SEMA3D: variants seen among roughly 807,000 people sequenced by gnomAD.
SEMA3D encodes the protein semaphorin-3D.
In SEMA3D, 84 loss-of-function variants were observed where a neutral mutation model predicts 100.1. That is an observed-to-expected ratio of 0.84 (90% CI 0.70 to 1.01). The LOEUF (loss-of-function observed/expected upper bound fraction) is 1.01. Ranked by LOEUF, SEMA3D falls within the 50% of genes least tolerant of loss-of-function variation. The probability of loss-of-function intolerance (pLI) is 0.00; values close to 1 mark genes in which losing one functional copy is unlikely to be tolerated. For missense variants in SEMA3D, 875 were observed against 934.1 expected, an observed-to-expected ratio of 0.94 and a Z score of 0.82; for synonymous variants, 312 against 320.7, an observed-to-expected ratio of 0.97 and a Z score of 0.29.
At chr7:85,136,577 A>C (rs1789873595) in intron 2 of SEMA3D, among the ~76,000 whole-genome samples, 1 of 152,172 alleles carries the variant, frequency 6.6e-6, no homozygotes, top group Non-Finnish European at 1.5e-5. Flanking sequence ...AGTTTAAAAC[A>C]ATTGAATTAT....
the SEMA3D span, among the ~76,000 whole-genome samples, chr7:85,201,361 T>G: frequency 6.6e-6 from 1 of 152,162 alleles, no homozygotes; most frequent in African/African-American, 2.4e-5. Context: ...CTCTTCTCAG[T>G]AACTTCCACT....
intron 1 of SEMA3D, among the ~76,000 whole-genome samples, chr7:85,183,049 T>C (rs1362489935): frequency 6.6e-6 from 1 of 152,134 alleles, no homozygotes; most frequent in African/African-American, 2.4e-5. Context: ...AATGAAGTTA[T>C]AACAAACAAC....
At chr7:85,000,439 G>A (rs1038292848) in intron 18 of SEMA3D, among the ~76,000 whole-genome samples, 4 of 152,106 alleles carry the variant, frequency 2.6e-5, no homozygotes, top group South Asian at 2.1e-4. Context: ...AAATGATGAC[G>A]TCTTTAAAGT....
At position 85,037,049 on chromosome 7, in the gene SEMA3D, A is replaced by T. The variant is rs370597054; in HGVS notation, c.1047-16T>A. On this transcript the variant is annotated splice_polypyrimidine_tract_variant and intron_variant, in intron 11 of 18. Transcript: ENST00000284136. ...GAAGATGGAGCTGGAAAAAAAAAGC[A>T]TCATCATTCAATCATTCACTGATGA... The T allele has an allele frequency of 6.2e-7, 1 of 1,608,330 alleles. No individual in the cohort carries two copies. The highest frequency in any genetic ancestry group is 8.5e-7 in the Non-Finnish European group (1 of 1,177,778).
upstream of SEMA3D, among the ~76,000 whole-genome samples, chr7:85,190,548 T>C (rs182310267): frequency 9.7e-4 from 147 of 152,218 alleles, no homozygotes; most frequent in African/African-American, 3.3e-3. Context: ...TCCAGGTATT[T>C]TTTTCCATCT....
At chr7:85,071,709 C>A (rs1791779914) in intron 6 of SEMA3D, among the ~76,000 whole-genome samples, 2 of 152,182 alleles carry the variant, frequency 1.3e-5, no homozygotes, top group South Asian at 4.1e-4. Flanking sequence ...CCGTTGAATA[C>A]TACAGGCAAC....
chr7:85,148,434 T>C (rs1028069953), intron 2 of SEMA3D, among the ~76,000 whole-genome samples: 1 of 152,182 alleles, frequency 6.6e-6, no homozygotes, highest in African/African-American at 2.4e-5. Flanking sequence ...ATATTTGAGT[T>C]CTTCTAATAA....
At chr7:85,023,677 G>T (rs913430943) in intron 12 of SEMA3D, among the ~76,000 whole-genome samples, 1 of 151,640 alleles carries the variant, frequency 6.6e-6, no homozygotes, top group Non-Finnish European at 1.5e-5. Flanking sequence ...TCATGACAAG[G>T]CTCCAAAAAC....
chr7:85,005,077 T>A (rs970270373), intron 18 of SEMA3D, among the ~76,000 whole-genome samples: 7 of 151,900 alleles, frequency 4.6e-5, no homozygotes, highest in African/African-American at 1.2e-4. Flanking sequence ...CACATATTTT[T>A]AAAAATCAGA....
Position 84,998,878 on chromosome 7 carries a change from CAGAA to C in SEMA3D, c.*558_*561del, listed in dbSNP as rs1789573781. 6.5e-6 allele frequency: 1 copy of C among 153,210 alleles called. No individual in the cohort carries two copies. Among genetic ancestry groups the C allele is most frequent in the East Asian group, 1.9e-4 (1 of 5,176 alleles). The allele number at this position is 153,210 out of a possible 1,614,324, so 9.5% of individuals were successfully genotyped here. ...GTACACTAAATTTAACCCCAGTGGC[CAGAA>C]AGAAATAATGCACCTCTCCAAATTC... is the stretch of plus-strand genomic sequence containing the variant. On this transcript the variant is annotated 3_prime_UTR_variant, in exon 19 of 19. Transcript: ENST00000284136.
intron 2 of SEMA3D, among the ~76,000 whole-genome samples, chr7:85,126,660 G>T (rs1000597961): frequency 6.6e-6 from 1 of 151,956 alleles, no homozygotes; most frequent in East Asian, 1.9e-4. Context: ...TGATTAGATG[G>T]TTTTCCTGTA....
At chr7:85,215,941 G>C in the SEMA3D span, among the ~76,000 whole-genome samples, 1 of 151,816 alleles carries the variant, frequency 6.6e-6, no homozygotes, top group Admixed American at 6.6e-5. Context: ...AAAACAATTG[G>C]CCTATTTTGC....
intron 3 of SEMA3D, among the ~76,000 whole-genome samples, chr7:85,120,612 G>C (rs1789380790): frequency 6.8e-6 from 1 of 147,746 alleles, no homozygotes; most frequent in Non-Finnish European, 1.5e-5. Flanking sequence ...AGGTTGCAGT[G>C]AGCCGAGATC....
intron 1 of SEMA3D, among the ~76,000 whole-genome samples, chr7:85,183,293 G>T (rs570463290): frequency 6.6e-6 from 1 of 152,272 alleles, no homozygotes; most frequent in East Asian, 1.9e-4. Flanking sequence ...CCATGCAATG[G>T]ATTGAGAGCA....
At chr7:85,088,707 G>A (rs1788294136) in intron 4 of SEMA3D, among the ~76,000 whole-genome samples, 1 of 152,110 alleles carries the variant, frequency 6.6e-6, no homozygotes, top group Non-Finnish European at 1.5e-5. Flanking sequence ...TGTTACAGAA[G>A]GGAAGTTTAA....
chr7:85,201,999 C>A, the SEMA3D span, among the ~76,000 whole-genome samples: 1 of 151,874 alleles, frequency 6.6e-6, no homozygotes, highest in Non-Finnish European at 1.5e-5. Flanking sequence ...GGATTACAGG[C>A]ATGAGCTATC....
chr7:85,034,889 C>T (rs565481262), intron 12 of SEMA3D, among the ~76,000 whole-genome samples: 274 of 152,066 alleles, frequency 1.8e-3, no homozygotes, highest in South Asian at 5.6e-3. Context: ...AATGGTACTG[C>T]CACTATGGAA....
the SEMA3D span, among the ~76,000 whole-genome samples, chr7:85,244,708 C>CG: frequency 8.2e-6 from 1 of 121,888 alleles, no homozygotes; most frequent in Non-Finnish European, 1.7e-5. Flanking sequence ...ACTGCACAAT[C>CG]TTTTTTTTTT....
chr7:85,144,799 T>C lies in SEMA3D; in HGVS notation c.-41+8809A>G, dbSNP rs558816952. The stretch of plus-strand genomic sequence containing the variant: ...GAATTTGATTAGGATTTATTATATA[T>C]TCCTACTTTAATCCCAGCCCAATGA... On this transcript the variant is annotated intron_variant, in intron 2 of 18. Transcript: ENST00000284136. 7.1e-5 allele frequency: 28 copies of C among 393,206 alleles called. 1 individual carries two copies. Among genetic ancestry groups the C allele is most frequent in the Middle Eastern group, 2.5e-3 (2 of 798 alleles). The allele number at this position is 393,206 out of a possible 1,614,324, so 24.4% of individuals were successfully genotyped here.
Sources: allele counts gnomAD v4.1 joint callset (sites outside exome capture counted in the v4.1 genomes callset), GRCh38; gene constraint gnomAD v4.1.1; transcripts MANE v1.5; gene names NCBI Gene and HGNC (gene_info 2026-07-23, HGNC 2026-07-21).